Variants in MAML1 observed in about 807,000 individuals in gnomAD.
MAML1 encodes mastermind like transcriptional coactivator 1, also known as mastermind-like protein 1.
In MAML1, 14 loss-of-function variants were observed where a neutral mutation model predicts 77.1. The observed-to-expected ratio is 0.18, with a 90% CI of 0.12 to 0.28. The LOEUF is 0.28. MAML1 is among the 10% of genes least tolerant of loss of function. The pLI, the probability that MAML1 is intolerant of heterozygous loss-of-function variation, is 1.00. For missense variants in MAML1, 1,217 were observed against 1,327.8 expected, an observed-to-expected ratio of 0.92 and a Z score of 1.30; for synonymous variants, 516 against 551.9, an observed-to-expected ratio of 0.93 and a Z score of 0.91.
rs1453153956 is a variant in MAML1 at position 179,774,707 on chromosome 5, T to A, written c.2881T>A (p.Tyr961Asn). The A allele has an allele frequency of 6.2e-7, 1 of 1,610,860 alleles. No individual in the cohort carries two copies. The highest frequency in any genetic ancestry group is 1.1e-5 in the South Asian group (1 of 91,076). The change falls in exon 5 of 5, where the codon TAC becomes AAC. Residue 961 changes from tyrosine to asparagine, a missense_variant. Coordinates refer to ENST00000292599, the MANE Select transcript of MAML1 (RefSeq NM_014757.5). ...GGCGGGGCTGCACTGCACCCAGGCC[T>A]ACCCTGTGCGGACCGCGGGCCAGGA... Reference protein sequence around the residue: ...GRAGLHCTQAYPVRTAGQELP... With the variant: ...GRAGLHCTQANPVRTAGQELP...
intron 4 of MAML1, among the ~76,000 whole-genome samples, chr5:179,773,191 G>A (rs148330833): frequency 0.015 from 2,277 of 152,172 alleles, 24 homozygotes; most frequent in Middle Eastern, 0.048. Flanking sequence ...CCACAACCCC[G>A]TTCTTCACAC....
At chr5:179,759,864 ATG>A (rs1256421451) in intron 1 of MAML1, among the ~76,000 whole-genome samples, 1 of 152,200 alleles carries the variant, frequency 6.6e-6, no homozygotes, top group Non-Finnish European at 1.5e-5. Context: ...AGTGAGAGAT[ATG>A]TGTGTTAATG....
chr5:179,734,141 G>A (rs894620195), intron 1 of MAML1, among the ~76,000 whole-genome samples: 43 of 152,234 alleles, frequency 2.8e-4, no homozygotes, highest in Admixed American at 2.2e-3. Context: ...GAAATTTGTT[G>A]GTTAGAGGTT....
chr5:179,746,203 G>A lies in MAML1; in HGVS notation c.315+12776G>A, dbSNP rs186820759. ...TCTACTAAAAATGCAAAAATTAGCC[G>A]GGTGTGGTGGCTGTTGCCTGTAATC... On this transcript the variant is annotated intron_variant, in intron 1 of 4. Coordinates refer to ENST00000292599, the MANE Select transcript of MAML1 (RefSeq NM_014757.5). 4.1e-3 allele frequency among the ~76,000 whole-genome samples: 626 copies of A among 151,612 alleles called. 1 individual carries two copies. The highest frequency in any genetic ancestry group is 6.9e-3 in the Middle Eastern group (2 of 290).
chr5:179,739,747 G>T (rs1171590876), intron 1 of MAML1, among the ~76,000 whole-genome samples: 2 of 152,148 alleles, frequency 1.3e-5, no homozygotes, highest in Non-Finnish European at 1.5e-5. Context: ...ACGAAGTATT[G>T]TAAGTAATCT....
chr5:179,774,381 C>T lies in MAML1; in HGVS notation c.2555C>T (p.Pro852Leu). 2 of 1,613,218 alleles carry T rather than the reference C, an allele frequency of 1.2e-6. No individual in the cohort carries two copies. Among genetic ancestry groups the T allele is most frequent in the South Asian group, 1.1e-5 (1 of 91,088 alleles). Residue 852 changes from proline to leucine, a missense_variant, in exon 5 of 5, where the codon CCA (proline) becomes CTA (leucine). By Grantham distance (98) the Pro-to-Leu change is moderately conservative. This residue lies in a region of MAML1 where 884 missense variants were observed against 949.3 expected (regional missense o/e 0.93). Coordinates refer to ENST00000292599, the MANE Select transcript of MAML1 (RefSeq NM_014757.5). ...QGMPNLSGQT[P>L]GNSNVSPFTA... Reference sequence around the variant, plus strand: ...ATGCCGAACCTCAGTGGCCAGACCCCAGGGAACAGCAACGTGAGTCCCTTC... The same window carrying T: ...ATGCCGAACCTCAGTGGCCAGACCCTAGGGAACAGCAACGTGAGTCCCTTC...
At chr5:179,765,126 A>C (rs572907424) in intron 1 of MAML1, among the ~76,000 whole-genome samples, 200 bp from the exon 2 acceptor site, 1 of 152,110 alleles carries the variant, frequency 6.6e-6, no homozygotes, top group Admixed American at 6.5e-5. Flanking sequence ...CTGCAGAAGC[A>C]CTTTAGCTAG....
chr5:179,766,654 C>T lies in MAML1; in HGVS notation c.1644C>T (p.Ser548=), dbSNP rs762903968. 6.2e-7 allele frequency: 1 copy of T among 1,610,098 alleles called. No individual in the cohort carries two copies. The highest frequency in any genetic ancestry group is 1.7e-5 in the Admixed American group (1 of 59,258). Residue 548 remains serine, a synonymous_variant, in exon 2 of 5, where the codon TCC becomes TCT. Transcript: ENST00000292599. This position sits in a 1 kb window ranked among gnomAD's most constrained non-coding sequence, Gnocchi z 4.0. ...ALMAYLPQQL[S]HISHEQNSLF... ...TGGCTTATCTTCCCCAGCAGCTGTC[C>T]CATATAAGTCACGAGCAGAACTCCC...
chr5:179,742,936 T>C (rs1219925379), intron 1 of MAML1, among the ~76,000 whole-genome samples: 1 of 152,206 alleles, frequency 6.6e-6, no homozygotes, highest in Non-Finnish European at 1.5e-5. Flanking sequence ...CTAGTAGTTC[T>C]TTGAATTTGG....
intron 1 of MAML1, among the ~76,000 whole-genome samples, chr5:179,743,506 A>G (rs1779322259): frequency 6.6e-6 from 1 of 150,864 alleles, no homozygotes; most frequent in South Asian, 2.1e-4. Flanking sequence ...AGCTGGGACT[A>G]CAGGCGCCCA....
In MAML1 at chr5:179,776,871, T is replaced by G. The variant is rs1486747162; in HGVS notation, c.*1994T>G. ...ATGGCTTTATTTATGAACCTGGTTT[T>G]CGGGAGTCAGGGGAGGAGATGACTT... On this transcript the variant is annotated 3_prime_UTR_variant, in exon 5 of 5. Coordinates refer to ENST00000292599, the MANE Select transcript of MAML1 (RefSeq NM_014757.5). The G allele has an allele frequency of 2.0e-6, 2 of 985,820 alleles. No individual in the cohort carries two copies. The highest frequency in any genetic ancestry group is 2.3e-4 in the East Asian group (2 of 8,830). 61.1% of individuals were successfully genotyped at this position (985,820 alleles called of 1,614,324 possible).
rs1440134536 is a variant in MAML1, at chr5:179,749,423, G to A, written c.316-15903G>A. On this transcript the variant is annotated intron_variant, in intron 1 of 4. Coordinates refer to ENST00000292599, the MANE Select transcript of MAML1 (RefSeq NM_014757.5). ...TTACAGACGTGAGCCACCGCACCCA[G>A]CAAATTTTTGTATTTTTAGTACAGA... Among the ~76,000 whole-genome samples, 7 of 152,176 alleles carry A rather than the reference G, an allele frequency of 4.6e-5. No homozygotes were observed. The East Asian group carries it at 7.7e-4, about 17-fold the overall frequency.
chr5:179,754,481 C>T (rs1270275841), intron 1 of MAML1, among the ~76,000 whole-genome samples: 1 of 151,772 alleles, frequency 6.6e-6, no homozygotes, highest in African/African-American at 2.4e-5. Flanking sequence ...GTAGTGCTAG[C>T]TACTGGGGAG....
chr5:179,749,927 A>G (rs72809794), intron 1 of MAML1, among the ~76,000 whole-genome samples: 5,619 of 152,268 alleles, frequency 0.037, 129 homozygotes, highest in African/African-American at 0.053. Context: ...GTGCCTGACT[A>G]TGCTGAGCCC....
intron 3 of MAML1, among the ~76,000 whole-genome samples, chr5:179,770,245 A>G (rs887910341): frequency 4.6e-5 from 7 of 152,030 alleles, no homozygotes; most frequent in East Asian, 1.9e-4. Flanking sequence ...TCAGGAGATC[A>G]AGACCATCCT....
chr5:179,754,589 CA>C (rs1481385483), intron 1 of MAML1, among the ~76,000 whole-genome samples: 2 of 150,496 alleles, frequency 1.3e-5, no homozygotes, highest in Non-Finnish European at 3.0e-5. Flanking sequence ...GACCCTGTCT[CA>C]AAAAGAAAAA....
intron 1 of MAML1, among the ~76,000 whole-genome samples, chr5:179,744,003 C>G (rs1297633850): frequency 6.6e-6 from 1 of 152,112 alleles, no homozygotes; most frequent in Non-Finnish European, 1.5e-5. Context: ...GATATGCTAT[C>G]TTTCATCAAC....
intron 1 of MAML1, among the ~76,000 whole-genome samples, chr5:179,760,137 CAGAA>C (rs1039276199): frequency 1.1e-4 from 17 of 148,740 alleles, no homozygotes; most frequent in South Asian, 8.3e-4. Context: ...TTCGGATAGA[CAGAA>C]GTAAGAGCTC....
At chr5:179,737,392 G>T (rs1029491132) in intron 1 of MAML1, among the ~76,000 whole-genome samples, 3 of 152,154 alleles carry the variant, frequency 2.0e-5, no homozygotes, top group Non-Finnish European at 2.9e-5. Context: ...TTCAATTCAG[G>T]GGGGAAGAGA....
Sources: gnomAD v4.1 joint callset for allele counts (sites outside exome capture counted in the v4.1 genomes callset) on GRCh38, gnomAD v4.1.1 for gene constraint, gnomAD v4.1.1 regional missense constraint, Gnocchi (gnomAD v3.1) non-coding constraint, MANE v1.5 for transcripts, NCBI Gene and HGNC (gene_info 2026-07-23, HGNC 2026-07-21) for gene names.